Variants in CC2D2A observed in about 807,000 individuals in gnomAD.
CC2D2A encodes coiled-coil and C2 domain containing 2A, also known as coiled-coil and C2 domain-containing protein 2A.
A neutral mutation model predicts 212.9 loss-of-function variants in CC2D2A; 155 were observed. The observed-to-expected ratio is 0.73, with a 90% CI of 0.64 to 0.83. CC2D2A has a LOEUF of 0.83. CC2D2A is among the 40% of genes least tolerant of loss of function. The pLI, the probability that CC2D2A is intolerant of heterozygous loss-of-function variation, is 0.00. For missense variants in CC2D2A, 1,856 were observed against 1,956.2 expected (o/e 0.95, Z 0.97); for synonymous variants, 667 against 686.5 (o/e 0.97, Z 0.44).
At chr4:15,585,863 G>C (rs1720836238) in intron 30 of CC2D2A, among the ~76,000 whole-genome samples, 1 of 152,124 alleles carries the variant, frequency 6.6e-6, no homozygotes, top group Non-Finnish European at 1.5e-5. Flanking sequence ...AATGCAAGAT[G>C]ATTCTAGAAA....
rs1382587227 is a variant in CC2D2A at position 15,488,351 on chromosome 4, G to T, written c.247+7524G>T. Among the ~76,000 whole-genome samples the T allele has an allele frequency of 3.3e-5, 5 of 152,086 alleles. No individual in the cohort carries two copies. In the East Asian group the frequency reaches 9.6e-4, roughly 29 times the overall value. On this transcript the variant is annotated intron_variant, in intron 4 of 36. Coordinates refer to ENST00000424120, the MANE Select transcript of CC2D2A (RefSeq NM_001378615.1). ...TATAATACTCTAAGTTGGAAGTTTTGTTTGTTTCTTTGTTTTCTTCAGCAC... is the reference window on the plus strand; with the variant it reads ...TATAATACTCTAAGTTGGAAGTTTTTTTTGTTTCTTTGTTTTCTTCAGCAC...
intron 18 of CC2D2A, 24 bp from the exon 19 acceptor site, chr4:15,553,134 C>A: frequency 6.4e-7 from 1 of 1,565,386 alleles, no homozygotes. Context: ...AAACAGCATC[C>A]TGTTTAATCT....
chr4:15,588,047 C>T lies in CC2D2A; in HGVS notation c.4179+118C>T, dbSNP rs947041082. ...ATCCTTTGGGTTGCTAGGAAAGTGG[C>T]CCACAGATGCCGTAACGGGCAGAGA... On this transcript the variant is annotated intron_variant, in intron 32 of 36. Transcript: ENST00000424120. 177 of 576,616 alleles carry T rather than the reference C, an allele frequency of 3.1e-4. 2 individuals carry two copies. Among genetic ancestry groups the T allele is most frequent in the Non-Finnish European group, 5.9e-5 (19 of 321,922 alleles). The allele number at this position is 576,616 out of a possible 1,614,324, so 35.7% of individuals were successfully genotyped here.
At chr4:15,559,816 T>G (rs1025915096) in intron 22 of CC2D2A, among the ~76,000 whole-genome samples, 17 of 151,976 alleles carry the variant, frequency 1.1e-4, no homozygotes, top group African/African-American at 4.1e-4. Flanking sequence ...ATTTATTTAT[T>G]TATTTATTTA....
chr4:15,507,867 C>T (rs773128870), intron 6 of CC2D2A, among the ~76,000 whole-genome samples: 2 of 152,112 alleles, frequency 1.3e-5, no homozygotes, highest in African/African-American at 2.4e-5. Context: ...TTTCTTCCTG[C>T]GATATGGGTA....
chr4:15,529,516 A>G (rs770350930), intron 13 of CC2D2A, among the ~76,000 whole-genome samples: 1 of 152,206 alleles, frequency 6.6e-6, no homozygotes, highest in Non-Finnish European at 1.5e-5. Flanking sequence ...ATCAACATGG[A>G]TAAGGAATCA....
At chr4:15,492,635 G>GGGGGACTAAGGGCGGC in intron 4 of CC2D2A, 2 of 520,216 alleles carry the variant, frequency 3.8e-6, no homozygotes, top group Admixed American at 4.9e-5. Flanking sequence ...TCAGTGAGGT[G>GGGGGACTAAGGGCGGC]GGGGACTAAG....
chr4:15,491,690 C>A (rs1181570175), intron 4 of CC2D2A, among the ~76,000 whole-genome samples: 1 of 152,178 alleles, frequency 6.6e-6, no homozygotes, highest in East Asian at 1.9e-4. Context: ...CAGGCATGAG[C>A]CACCGCACCC....
At position 15,527,666 on chromosome 4, in the gene CC2D2A, A is replaced by T. The variant is rs373012628; in HGVS notation, c.1359+10A>T. On this transcript the variant is annotated intron_variant, in intron 12 of 36. Coordinates refer to ENST00000424120, the MANE Select transcript of CC2D2A (RefSeq NM_001378615.1). ...ATTTCTTACTGATAAGGTACATGTG[A>T]TTTCTTCCATAATGATTGTCAATGG... The T allele has an allele frequency of 2.5e-6, 4 of 1,579,910 alleles. No homozygotes were observed. The South Asian group carries it at 4.6e-5, about 18-fold the overall frequency.
rs1016233369 is a variant in CC2D2A at position 15,541,031 on chromosome 4, T to C, written c.2181+17T>C. 23 of 1,517,656 alleles carry C rather than the reference T, an allele frequency of 1.5e-5. No individual in the cohort carries two copies. The highest frequency in any genetic ancestry group is 1.4e-4 in the Admixed American group (7 of 48,704). The allele number at this position is 1,517,656 out of a possible 1,614,324, so 94.0% of individuals were successfully genotyped here. On this transcript the variant is annotated intron_variant, in intron 17 of 36. Coordinates refer to ENST00000424120, the MANE Select transcript of CC2D2A (RefSeq NM_001378615.1). ...ACACTTCAGGTACACATTTTAATTA[T>C]AGTTACTGGCCGGGCACTGTGGCTC...
In CC2D2A at chr4:15,586,212, T is replaced by C. The variant is rs1226136146; in HGVS notation, c.4031T>C (p.Phe1344Ser). The change falls in exon 31 of 37, where the codon TTT becomes TCT. Residue 1344 changes from phenylalanine to serine, a missense_variant. Around this residue, in one of 5 missense-constraint regions of CC2D2A, gnomAD observed 36 missense variants for 35.5 expected, o/e 1.02. Coordinates refer to ENST00000424120, the MANE Select transcript of CC2D2A (RefSeq NM_001378615.1). ...CCCTTCTTGCCTGACACTGTCTCAT[T>C]TGGTGGTATCTGTGACCTCTGGAGC... ...LIPFLPDTVS[F>S]GGICDLWSTS... 6.2e-7 allele frequency: 1 copy of C among 1,608,848 alleles called. No individual in the cohort carries two copies. The highest frequency in any genetic ancestry group is 2.2e-5 in the East Asian group (1 of 44,746).
chr4:15,505,522 C>G (rs996495242), intron 6 of CC2D2A, among the ~76,000 whole-genome samples: 1 of 152,176 alleles, frequency 6.6e-6, no homozygotes, highest in Admixed American at 6.5e-5. Context: ...CCAGTGATGA[C>G]AGTGACAGCT....
chr4:15,503,332 T>A (rs879887489), intron 6 of CC2D2A, among the ~76,000 whole-genome samples: 3 of 152,178 alleles, frequency 2.0e-5, no homozygotes, highest in Admixed American at 2.0e-4. Context: ...AGCTACTATT[T>A]ATAAGGTACT....
intron 17 of CC2D2A, chr4:15,543,760 C>G (rs1164329945): frequency 6.6e-6 from 1 of 152,400 alleles, no homozygotes; most frequent in African/African-American, 2.4e-5. Context: ...ACTTGAAGGG[C>G]TCCTCTTCCT....
At chr4:15,556,245 T>C (rs748770940) in intron 20 of CC2D2A, among the ~76,000 whole-genome samples, 4 of 152,244 alleles carry the variant, frequency 2.6e-5, no homozygotes, top group Non-Finnish European at 5.9e-5. Context: ...CACATCCTTA[T>C]GATCATGGCT....
In CC2D2A at chr4:15,489,712, A is replaced by G. The variant is rs141762600; in HGVS notation, c.247+8885A>G. On this transcript the variant is annotated intron_variant, in intron 4 of 36. Transcript: ENST00000424120. ...TCACACTCCCACCCATTTATTGAAA[A>G]TGTCCTTGCCAAGGTGACCAATGAC... Among the ~76,000 whole-genome samples, 419 of 152,282 alleles carry G rather than the reference A, an allele frequency of 2.8e-3. 3 individuals carry two copies. The highest frequency in any genetic ancestry group is 4.5e-3 in the Non-Finnish European group (305 of 68,020).
Position 15,510,137 on chromosome 4 carries a change from A to G in CC2D2A, c.439-2A>G. ...ATCTATCATTTTTTTCCACTCATATAGCCAGGGAAAGAGGTAGAAAGGACT... is the reference window on the plus strand; with the variant it reads ...ATCTATCATTTTTTTCCACTCATATGGCCAGGGAAAGAGGTAGAAAGGACT... On this transcript the variant is annotated splice_acceptor_variant, in intron 6 of 36. Transcript: ENST00000424120. LOFTEE classifies it high-confidence loss of function. The G allele has an allele frequency of 8.7e-6, 14 of 1,609,492 alleles. No individual in the cohort carries two copies. The highest frequency in any genetic ancestry group is 1.2e-5 in the Non-Finnish European group (14 of 1,176,138).
chr4:15,476,273 T>G (rs955366328), intron 2 of CC2D2A, among the ~76,000 whole-genome samples: 1 of 152,234 alleles, frequency 6.6e-6, no homozygotes, highest in Non-Finnish European at 1.5e-5. Context: ...CAGTGTTGCC[T>G]TATTTAAACA....
At chr4:15,491,116 T>G (rs1715282774) in intron 4 of CC2D2A, among the ~76,000 whole-genome samples, 1 of 152,284 alleles carries the variant, frequency 6.6e-6, no homozygotes, top group South Asian at 2.1e-4. Flanking sequence ...CCTGCTACAA[T>G]AGAATCTCTG....
Sources: allele counts gnomAD v4.1 joint callset (sites outside exome capture counted in the v4.1 genomes callset), GRCh38; gene constraint gnomAD v4.1.1; regional missense constraint gnomAD v4.1.1; transcripts MANE v1.5; gene names NCBI Gene and HGNC (gene_info 2026-07-23, HGNC 2026-07-21).